Variants in ALOX5AP observed in about 807,000 individuals in gnomAD.
ALOX5AP encodes arachidonate 5-lipoxygenase-activating protein.
ALOX5AP carries 9 observed loss-of-function variants against 18.5 expected under a neutral mutation model. The ratio of observed to expected loss-of-function variants is 0.49; its 90% CI spans 0.29 to 0.85. The LOEUF (loss-of-function observed/expected upper bound fraction) is 0.85, where lower values mean the gene tolerates loss of function less well. ALOX5AP is among the 40% of genes least tolerant of loss of function. The pLI, the probability that ALOX5AP is intolerant of heterozygous loss-of-function variation, is 0.08. For missense variants in ALOX5AP, 172 were observed against 202.5 expected (o/e 0.85, Z 0.91); for synonymous variants, 81 against 78.6 (o/e 1.03, Z -0.16).
At chr13:30,714,769 G>A (rs970712538) in intron 1 of ALOX5AP, among the ~76,000 whole-genome samples, 55 of 152,278 alleles carry the variant, frequency 3.6e-4, no homozygotes, top group Middle Eastern at 3.4e-3. Context: ...CTAAGCTTAC[G>A]CCGTCACACC....
intron 1 of ALOX5AP, chr13:30,742,505 A>T (rs1434953342): frequency 1.3e-5 from 2 of 152,252 alleles, no homozygotes; most frequent in Non-Finnish European, 2.9e-5. Context: ...AGTACTACCC[A>T]TTGCACAGAG....
intron 1 of ALOX5AP, among the ~76,000 whole-genome samples, chr13:30,718,666 C>T (rs560307072): frequency 6.6e-6 from 1 of 152,296 alleles, no homozygotes; most frequent in East Asian, 1.9e-4. Flanking sequence ...TTATTCTCTT[C>T]ATTCCACAAA....
At chr13:30,746,476 G>A (rs532596599) in intron 2 of ALOX5AP, among the ~76,000 whole-genome samples, 23 of 152,352 alleles carry the variant, frequency 1.5e-4, no homozygotes, top group African/African-American at 5.1e-4. Context: ...TCCTCCCTGG[G>A]CCAGCAACAT....
chr13:30,750,112 T>C (rs973359805), intron 2 of ALOX5AP, among the ~76,000 whole-genome samples: 11 of 152,142 alleles, frequency 7.2e-5, no homozygotes, highest in African/African-American at 2.7e-4. Flanking sequence ...AGGCCTGAGG[T>C]GGGTGTGAAC....
intron 3 of ALOX5AP, 96 bp downstream of exon 3, chr13:30,752,218 C>T (rs948767572): frequency 7.8e-7 from 1 of 1,274,648 alleles, no homozygotes; most frequent in Non-Finnish European, 1.1e-6. Flanking sequence ...TTTGCCTGAC[C>T]TCTGGCTCCC....
chr13:30,715,276 C>T (rs988862152), intron 1 of ALOX5AP, among the ~76,000 whole-genome samples: 1 of 152,170 alleles, frequency 6.6e-6, no homozygotes, highest in African/African-American at 2.4e-5. Context: ...TGGGTTTTGT[C>T]CATGTTAGAT....
At chr13:30,755,907 A>G (rs144098425) in intron 3 of ALOX5AP, 37 bp from the exon 4 acceptor site, 1 of 1,603,818 alleles carries the variant, frequency 6.2e-7, no homozygotes. Context: ...TTTGGTGGCT[A>G]CGAAACTGAC....
intron 4 of ALOX5AP, among the ~76,000 whole-genome samples, chr13:30,763,286 C>T (rs768284649): frequency 1.3e-5 from 2 of 152,162 alleles, no homozygotes; most frequent in Non-Finnish European, 2.9e-5. Flanking sequence ...CCAGCTTGGG[C>T]TACAGAGTGA....
chr13:30,742,702 C>T, intron 1 of ALOX5AP, among the ~76,000 whole-genome samples: 1 of 152,122 alleles, frequency 6.6e-6, no homozygotes, highest in East Asian at 1.9e-4. Context: ...CACAATAAAG[C>T]ACCCCTTTAA....
At chr13:30,745,792 T>C (rs1217768848) in intron 2 of ALOX5AP, among the ~76,000 whole-genome samples, 1 of 152,188 alleles carries the variant, frequency 6.6e-6, no homozygotes, top group Non-Finnish European at 1.5e-5. Context: ...AAAGAAGGTG[T>C]CTTTGATGAG....
chr13:30,762,622 G>A (rs1951951494), intron 4 of ALOX5AP, among the ~76,000 whole-genome samples: 1 of 151,724 alleles, frequency 6.6e-6, no homozygotes, highest in Admixed American at 6.6e-5. Flanking sequence ...GAAAAATTAT[G>A]AGTTATATTA....
chr13:30,730,729 T>C (rs1951674471), upstream of ALOX5AP, among the ~76,000 whole-genome samples: 1 of 150,882 alleles, frequency 6.6e-6, no homozygotes, highest in African/African-American at 2.4e-5. Context: ...CCCGTTGCCA[T>C]GGCGATGGAG....
chr13:30,730,571 A>C (rs757429433), upstream of ALOX5AP, among the ~76,000 whole-genome samples: 20 of 151,968 alleles, frequency 1.3e-4, no homozygotes, highest in Admixed American at 1.0e-3. Flanking sequence ...CTTCTCCCTC[A>C]CCACCAGTCA....
chr13:30,719,948 G>A (rs1171650964), intron 1 of ALOX5AP, among the ~76,000 whole-genome samples: 2 of 151,268 alleles, frequency 1.3e-5, no homozygotes, highest in African/African-American at 4.9e-5. Context: ...TGCAACCTCC[G>A]CCTCCTGGGT....
chr13:30,727,259 G>A (rs188912407), intron 1 of ALOX5AP, among the ~76,000 whole-genome samples: 142 of 152,214 alleles, frequency 9.3e-4, no homozygotes, highest in African/African-American at 3.1e-3. Flanking sequence ...GGCCAGGCTG[G>A]TCTTGAACTC....
chr13:30,727,852 G>A (rs1011719634), intron 1 of ALOX5AP, among the ~76,000 whole-genome samples: 6 of 152,100 alleles, frequency 3.9e-5, no homozygotes, highest in Admixed American at 1.3e-4. Context: ...CGGGTTTTGG[G>A]TTGTCCTTGC....
At chr13:30,720,077 G>T (rs1210132628) in intron 1 of ALOX5AP, among the ~76,000 whole-genome samples, 2 of 152,150 alleles carry the variant, frequency 1.3e-5, no homozygotes, top group African/African-American at 2.4e-5. Flanking sequence ...GGCCAGGGTG[G>T]TCTTGATCTC....
chr13:30,729,206 GCC>G (rs1951661173), intron 1 of ALOX5AP, among the ~76,000 whole-genome samples: 1 of 151,080 alleles, frequency 6.6e-6, no homozygotes, highest in Non-Finnish European at 1.5e-5. Context: ...AAAAAAATTT[GCC>G]TTCTTCATGG....
intron 2 of ALOX5AP, among the ~76,000 whole-genome samples, chr13:30,747,164 T>A (rs1368777268): frequency 6.6e-6 from 1 of 152,232 alleles, no homozygotes; most frequent in Non-Finnish European, 1.5e-5. Context: ...TTCACGTGTA[T>A]ATTTTAATTC....
Sources: allele counts gnomAD v4.1 joint callset (sites outside exome capture counted in the v4.1 genomes callset), GRCh38; gene constraint gnomAD v4.1.1; transcripts MANE v1.5; gene names NCBI Gene and HGNC (gene_info 2026-07-23, HGNC 2026-07-21).